SRGAP2B: variants seen among roughly 807,000 people sequenced by gnomAD.
SRGAP2B encodes SLIT-ROBO Rho GTPase activating protein 2B.
SRGAP2B carries 9 observed loss-of-function variants against 22.2 expected under a neutral mutation model. The observed-to-expected ratio is 0.41, with a 90% CI of 0.24 to 0.71. The LOEUF (loss-of-function observed/expected upper bound fraction) is 0.71. Ranked by LOEUF, SRGAP2B falls within the 30% of genes least tolerant of loss-of-function variation. The probability of loss-of-function intolerance (pLI) is 0.35; values close to 1 mark genes in which losing one functional copy is unlikely to be tolerated. For missense variants in SRGAP2B, 114 were observed against 235.8 expected (o/e 0.48, Z 3.38); for synonymous variants, 36 against 87.4 (o/e 0.41, Z 3.28).
chr1:144,980,854 G>A (rs1553615017), intron 3 of SRGAP2B, among the ~76,000 whole-genome samples: 1 of 150,030 alleles, frequency 6.7e-6, no homozygotes, highest in Non-Finnish European at 1.5e-5. Context: ...ATTAACCAGG[G>A]AACAAATCTA....
chr1:144,931,427 G>A lies in SRGAP2B; in HGVS notation c.424-16673C>T, dbSNP rs1224335627. On this transcript the variant is annotated intron_variant, in intron 4 of 9. Transcript: ENST00000612199. The stretch of plus-strand genomic sequence containing the variant: ...CCTAATAATTACAGAGCGAAGATAG[G>A]GGGAAGAAAGGCCATAAATTTTCAC... 5.3e-5 allele frequency among the ~76,000 whole-genome samples: 8 copies of A among 150,724 alleles called. No individual in the cohort carries two copies. In the East Asian group the frequency reaches 7.8e-4, roughly 15 times the overall value.
chr1:145,011,488 A>G (rs1672046884), intron 2 of SRGAP2B, among the ~76,000 whole-genome samples: 1 of 150,760 alleles, frequency 6.6e-6, no homozygotes, highest in Non-Finnish European at 1.5e-5. Flanking sequence ...GCCATCTAAC[A>G]GGTACCTAGA....
At chr1:144,984,480 C>A (rs1669572692) in intron 3 of SRGAP2B, among the ~76,000 whole-genome samples, 1 of 150,074 alleles carries the variant, frequency 6.7e-6, no homozygotes, top group South Asian at 2.1e-4. Flanking sequence ...GGCTTCCAAG[C>A]TCACTTGAAA....
chr1:144,963,903 T>G (rs1310243750), intron 3 of SRGAP2B, among the ~76,000 whole-genome samples: 1 of 150,662 alleles, frequency 6.6e-6, no homozygotes, highest in Non-Finnish European at 1.5e-5. Flanking sequence ...AATAAGCCAC[T>G]GAGAAGAAAG....
rs1376901338 is a variant in SRGAP2B at position 144,920,043 on chromosome 1, G to A, written c.424-5289C>T. The A allele has an allele frequency of 2.0e-5, 3 of 150,548 alleles. No individual in the cohort carries two copies. The East Asian group carries it at 5.8e-4, about 29-fold the overall frequency. 9.3% of individuals were successfully genotyped at this position (150,548 alleles called of 1,614,324 possible). On this transcript the variant is annotated intron_variant, in intron 4 of 9. Coordinates refer to ENST00000612199, the Ensembl canonical transcript of SRGAP2B. ...AGCTAGACACAGAGCACTGATTGGT[G>A]CATTTTTACAGAGTGCTGATTGGTG...
exon 10 of SRGAP2B, chr1:144,889,179 T>C (rs1401233625): frequency 1.3e-5 from 2 of 148,906 alleles, no homozygotes; most frequent in East Asian, 3.9e-4. Context: ...GGTCTTGAAC[T>C]CCTGGCCTCA....
chr1:144,962,971 T>C (rs1297478490), intron 3 of SRGAP2B, among the ~76,000 whole-genome samples: 1 of 151,220 alleles, frequency 6.6e-6, no homozygotes, highest in Admixed American at 6.6e-5. Flanking sequence ...AAACTGTGCA[T>C]CAGCCACAAC....
chr1:144,905,245 T>A (rs1293670501), intron 6 of SRGAP2B, 26 bp from the exon 7 acceptor site: 4 of 759,636 alleles, frequency 5.3e-6, no homozygotes, highest in Non-Finnish European at 9.7e-6. Flanking sequence ...AAGTTCACTT[T>A]TACCTTTTTT....
At chr1:144,944,105 A>T (rs1357992322) in intron 4 of SRGAP2B, among the ~76,000 whole-genome samples, 1 of 150,278 alleles carries the variant, frequency 6.7e-6, no homozygotes, top group African/African-American at 2.5e-5. Flanking sequence ...GATCAAGGTG[A>T]TCAACCAGTA....
At chr1:145,022,025 A>T (rs1672843145) in intron 2 of SRGAP2B, among the ~76,000 whole-genome samples, 1 of 144,422 alleles carries the variant, frequency 6.9e-6, no homozygotes. Context: ...TCATCCATCT[A>T]CTCCTCAGTT....
At chr1:144,987,172 C>T (rs587641468) in intron 3 of SRGAP2B, among the ~76,000 whole-genome samples, 3,466 of 148,400 alleles carry the variant, frequency 0.023, 12 homozygotes, top group African/African-American at 0.087. Flanking sequence ...CATGGTCTTT[C>T]CTACACTTGT....
At chr1:145,012,436 AT>A (rs1672125889) in intron 2 of SRGAP2B, among the ~76,000 whole-genome samples, 1 of 148,196 alleles carries the variant, frequency 6.7e-6, no homozygotes. Context: ...TCCTTTAAAA[AT>A]TAAAAAAGGA....
At chr1:144,944,730 G>C (rs1294199361) in intron 4 of SRGAP2B, among the ~76,000 whole-genome samples, 16 of 127,606 alleles carry the variant, frequency 1.3e-4, no homozygotes, top group Non-Finnish European at 2.4e-4. Flanking sequence ...TTTATTTTTT[G>C]AGATGGAGTC....
intron 2 of SRGAP2B, among the ~76,000 whole-genome samples, chr1:145,031,953 T>C (rs1276319200): frequency 6.7e-6 from 1 of 148,990 alleles, no homozygotes; most frequent in Non-Finnish European, 1.5e-5. Context: ...TTTGTCCCAA[T>C]GTCACTCTCG....
intron 4 of SRGAP2B, among the ~76,000 whole-genome samples, chr1:144,953,828 T>C (rs1553609805): frequency 2.0e-5 from 3 of 150,740 alleles, no homozygotes; most frequent in Admixed American, 6.6e-5. Flanking sequence ...TGAACAGATC[T>C]TATAAAAGTT....
At chr1:144,908,888 GAT>G (rs1389363300) in intron 5 of SRGAP2B, among the ~76,000 whole-genome samples, 2 of 133,378 alleles carry the variant, frequency 1.5e-5, no homozygotes, top group Non-Finnish European at 3.1e-5. Context: ...TATACATAAA[GAT>G]ATACATATAC....
chr1:144,999,256 T>A lies in SRGAP2B; in HGVS notation c.68-4056A>T, dbSNP rs587757432. On this transcript the variant is annotated intron_variant, in intron 2 of 9. Transcript: ENST00000612199. ...TTCCCTAGAAATACATGGAAAGAAGTCAAGCTCTCACTTTCTAGAAGCAGC... is the reference window on the plus strand; with the variant it reads ...TTCCCTAGAAATACATGGAAAGAAGACAAGCTCTCACTTTCTAGAAGCAGC... Among the ~76,000 whole-genome samples the A allele has an allele frequency of 1.1e-4, 16 of 149,498 alleles. 1 individual carries two copies. The highest frequency in any genetic ancestry group is 4.2e-4 in the South Asian group (2 of 4,758).
chr1:144,910,203 A>G (rs2101719315), intron 5 of SRGAP2B, among the ~76,000 whole-genome samples: 1 of 148,520 alleles, frequency 6.7e-6, no homozygotes, highest in East Asian at 1.9e-4. Flanking sequence ...ACAAGAAAAG[A>G]GTTCTTGGCA....
At chr1:144,940,665 T>C (rs1453401016) in intron 4 of SRGAP2B, among the ~76,000 whole-genome samples, 1 of 147,638 alleles carries the variant, frequency 6.8e-6, no homozygotes, top group Non-Finnish European at 1.5e-5. Context: ...TAGCTGGATG[T>C]GGTAGCCCAC....
Sources: gnomAD v4.1 joint callset for allele counts (sites outside exome capture counted in the v4.1 genomes callset) on GRCh38, gnomAD v4.1.1 for gene constraint, MANE v1.5 for transcripts, NCBI Gene and HGNC (gene_info 2026-07-23, HGNC 2026-07-21) for gene names.